The following SPATA1 variants were observed in gnomAD, a reference collection of about 807,000 sequenced individuals.
The protein encoded by SPATA1 is spermatogenesis-associated protein 1.
A neutral mutation model predicts 59.6 loss-of-function variants in SPATA1; 57 were observed. The ratio of observed to expected loss-of-function variants is 0.96; its 90% CI spans 0.77 to 1.19. SPATA1 has a LOEUF of 1.19. SPATA1 is among the 50% of genes most tolerant of loss of function. SPATA1 has a pLI of 0.00. For synonymous variants in SPATA1, 147 were observed against 163.9 expected, an observed-to-expected ratio of 0.90 and a Z score of 0.79; for missense variants, 448 against 480.7, an observed-to-expected ratio of 0.93 and a Z score of 0.64.
At chr1:84,544,500 G>A (rs1452404118) in intron 9 of SPATA1, among the ~76,000 whole-genome samples, 196 bp downstream of exon 9, 1 of 151,924 alleles carries the variant, frequency 6.6e-6, no homozygotes, top group Non-Finnish European at 1.5e-5. Flanking sequence ...TATTTTAAAT[G>A]GTACAGTTTG....
chr1:84,559,852 A>AG (rs1170334819), intron 4 of SPATA1, among the ~76,000 whole-genome samples: 1 of 152,126 alleles, frequency 6.6e-6, no homozygotes, highest in Non-Finnish European at 1.5e-5. Context: ...TGGGAGGCCA[A>AG]GGTAGGCGGA....
intron 1 of SPATA1, among the ~76,000 whole-genome samples, chr1:84,514,227 T>C (rs193024751): frequency 4.1e-4 from 63 of 152,272 alleles, no homozygotes; most frequent in Admixed American, 1.4e-3. Flanking sequence ...CAAGGGCTCA[T>C]CTTTTTACAT....
rs541749539 is a variant in SPATA1, at chr1:84,543,868, G to GA, written c.718-327dup. On this transcript the variant is annotated intron_variant, in intron 8 of 12. Coordinates refer to ENST00000490879, the Ensembl canonical transcript of SPATA1. ...AATATAATCAAAATTGACTCAAGAT[G>GA]AAAAAAATATTAATAGGCATCTTAG... 7.2e-4 allele frequency among the ~76,000 whole-genome samples: 109 copies of GA among 151,956 alleles called. 4 individuals are homozygous for GA. The South Asian group carries it at 0.022, about 31-fold the overall frequency.
chr1:84,555,696 T>C (rs1382882269), downstream of SPATA1, among the ~76,000 whole-genome samples: 2 of 152,224 alleles, frequency 1.3e-5, no homozygotes, highest in East Asian at 3.8e-4. Context: ...GGCGTACATC[T>C]GAATCACTTG....
At chr1:84,516,594 C>T (rs1010344584) in intron 2 of SPATA1, among the ~76,000 whole-genome samples, 199 bp downstream of exon 2, 1 of 152,140 alleles carries the variant, frequency 6.6e-6, no homozygotes, top group Non-Finnish European at 1.5e-5. Flanking sequence ...ATATTGGGAT[C>T]CCCAATGCAT....
intron 9 of SPATA1, 25 bp downstream of exon 9, chr1:84,544,329 C>G: frequency 6.7e-7 from 1 of 1,491,780 alleles, no homozygotes. Context: ...ATCGTAAGTA[C>G]AGATGATTCT....
At chr1:84,520,435 GT>G (rs1682975733) in intron 2 of SPATA1, 149 bp from the exon 3 acceptor site, 1 of 529,400 alleles carries the variant, frequency 1.9e-6, no homozygotes, top group African/African-American at 2.0e-5. Context: ...CAAATTTTTA[GT>G]TCATTTTGGT....
chr1:84,507,595 T>C (rs928801259), intron 1 of SPATA1, among the ~76,000 whole-genome samples: 7 of 152,270 alleles, frequency 4.6e-5, no homozygotes, highest in Admixed American at 6.5e-5. Flanking sequence ...CCAAAAGGTA[T>C]TGTAATTATT....
At chr1:84,549,924 A>G (rs1019119393) in intron 11 of SPATA1, 1 of 151,624 alleles carries the variant, frequency 6.6e-6, no homozygotes, top group Non-Finnish European at 1.5e-5. Flanking sequence ...TCAGTTCAAT[A>G]TAAGAATTTT....
intron 1 of SPATA1, 43 bp downstream of exon 1, chr1:84,506,461 G>A (rs1282317328): frequency 1.2e-5 from 2 of 161,814 alleles, no homozygotes; most frequent in Non-Finnish European, 2.7e-5. Context: ...ACTAAGAGGG[G>A]GTCTGAAGAG....
intron 7 of SPATA1, 76 bp downstream of exon 7, chr1:84,533,050 T>A: frequency 1.1e-6 from 1 of 943,588 alleles, no homozygotes; most frequent in Non-Finnish European, 1.6e-6. Flanking sequence ...CAGAGTATTG[T>A]TATAAAGACT....
At chr1:84,535,942 T>C (rs973599001) in intron 8 of SPATA1, among the ~76,000 whole-genome samples, 3 of 152,212 alleles carry the variant, frequency 2.0e-5, no homozygotes, top group Non-Finnish European at 4.4e-5. Context: ...AACATCATTT[T>C]AGGAGACCAG....
At chr1:84,546,416 C>T (rs1010164561) in intron 10 of SPATA1, among the ~76,000 whole-genome samples, 7 of 145,350 alleles carry the variant, frequency 4.8e-5, no homozygotes, top group African/African-American at 1.8e-4. Context: ...TGAGATTGTG[C>T]CACTGCACTC....
At chr1:84,558,404 C>G (rs1316133432), downstream of SPATA1, among the ~76,000 whole-genome samples, 2 of 150,750 alleles carry the variant, frequency 1.3e-5, no homozygotes, top group Non-Finnish European at 3.0e-5. Context: ...ATTCTCCTGC[C>G]TCAGCCTCCC....
intron 6 of SPATA1, 25 bp from the exon 7 acceptor site, chr1:84,532,835 T>C: frequency 7.0e-7 from 1 of 1,438,772 alleles, no homozygotes. Context: ...GAACTTTATT[T>C]GCTGTGGATG....
intron 1 of SPATA1, among the ~76,000 whole-genome samples, chr1:84,510,338 T>C (rs1386057143): frequency 2.6e-5 from 4 of 152,076 alleles, no homozygotes; most frequent in Non-Finnish European, 4.4e-5. Context: ...GCTTTAAAAA[T>C]GGGCAAAAAA....
At chr1:84,537,885 T>C (rs6576713) in intron 8 of SPATA1, among the ~76,000 whole-genome samples, 69,207 of 152,046 alleles carry the variant, frequency 0.46, 17,709 homozygotes, top group African/African-American at 0.7. Context: ...TTCATGAATG[T>C]ATACTTTGAA....
chr1:84,509,059 A>C (rs1012794186), intron 1 of SPATA1, among the ~76,000 whole-genome samples: 5 of 152,166 alleles, frequency 3.3e-5, no homozygotes, highest in African/African-American at 1.2e-4. Context: ...AGAAGTATTA[A>C]AAACAATCCT....
intron 8 of SPATA1, among the ~76,000 whole-genome samples, chr1:84,541,609 ATTTCTG>A (rs144155049): frequency 4.9e-4 from 75 of 152,198 alleles, no homozygotes; most frequent in African/African-American, 1.8e-3. Flanking sequence ...AATTTTAAAA[ATTTCTG>A]TTTTATAGTG....
Sources: gnomAD v4.1 joint callset for allele counts (sites outside exome capture counted in the v4.1 genomes callset) on GRCh38, gnomAD v4.1.1 for gene constraint, MANE v1.5 for transcripts, NCBI Gene and HGNC (gene_info 2026-07-23, HGNC 2026-07-21) for gene names.